FRMD4B: variants seen among roughly 807,000 people sequenced by gnomAD.
The protein encoded by FRMD4B is FERM domain-containing protein 4B.
Under a neutral mutation model 141.5 loss-of-function variants are expected in FRMD4B, and 74 were observed. That is an observed-to-expected ratio of 0.52 (90% CI 0.43 to 0.63). FRMD4B has a LOEUF of 0.63. Among genes scored for constraint, FRMD4B ranks in the 30% least tolerant of loss-of-function variants. The probability of loss-of-function intolerance (pLI) is 0.00; values close to 1 mark genes in which losing one functional copy is unlikely to be tolerated. For missense variants in FRMD4B, 1,366 were observed against 1,253.4 expected (o/e 1.09, Z -1.36); for synonymous variants, 506 against 467.9 (o/e 1.08, Z -1.05).
chr3:69,384,040 T>G (rs1704189357), intron 1 of FRMD4B, among the ~76,000 whole-genome samples: 1 of 152,082 alleles, frequency 6.6e-6, no homozygotes, highest in South Asian at 2.1e-4. Context: ...GCTCAAGGGA[T>G]CTTCCTGCCT....
chr3:69,366,790 G>A lies in FRMD4B; in HGVS notation c.162+19038C>T, dbSNP rs571796834. Among the ~76,000 whole-genome samples the A allele has an allele frequency of 2.0e-5, 3 of 151,680 alleles. No individual in the cohort carries two copies. The East Asian group carries it at 5.8e-4, about 29-fold the overall frequency. On this transcript the variant is annotated intron_variant, in intron 1 of 22. Transcript: ENST00000398540. ...TTCTTGTTGTTTTGTTTTGTTTTTA[G>A]ACAGGGTCTCACTCTGTTGCCCAGG...
At position 69,368,522 on chromosome 3, in the gene FRMD4B, G is replaced by A. The variant is rs143175620; in HGVS notation, c.162+17306C>T. 2.3e-3 allele frequency among the ~76,000 whole-genome samples: 350 copies of A among 152,252 alleles called. 3 individuals are homozygous for A. Among genetic ancestry groups the A allele is most frequent in the Middle Eastern group, 6.8e-3 (2 of 294 alleles). On this transcript the variant is annotated intron_variant, in intron 1 of 22. Coordinates refer to ENST00000398540, the MANE Select transcript of FRMD4B (RefSeq NM_015123.3). ...CAAGCCTGTGCCTACCCCCCTTGTC[G>A]TTCTTGGACAGGTGCTTTGCATACT...
chr3:69,187,207 C>T (rs1190393631), intron 19 of FRMD4B, among the ~76,000 whole-genome samples: 1 of 152,064 alleles, frequency 6.6e-6, no homozygotes. Context: ...ATCAAATAGA[C>T]TTTAAAGTCA....
Position 69,200,481 on chromosome 3 carries a change from C to A in FRMD4B, c.877-1707G>T, listed in dbSNP as rs114313663. On this transcript the variant is annotated intron_variant, in intron 11 of 22. Coordinates refer to ENST00000398540, the MANE Select transcript of FRMD4B (RefSeq NM_015123.3). ...ACCTCAGGGTTCTTCCGCCCTCCCC[C>A]CTCCCAGACGGCAGCTCCGGTGAGT... The A allele has an allele frequency of 1.2e-4, 114 of 991,242 alleles. No individual in the cohort carries two copies. The East Asian group carries it at 8.6e-3, about 74-fold the overall frequency. 61.4% of individuals were successfully genotyped at this position (991,242 alleles called of 1,614,324 possible). A position where few individuals can be genotyped will look rare whatever the true frequency, so the allele number is the denominator to read the frequency against.
rs753475155 is a variant in FRMD4B, at chr3:69,220,953, T to C, written c.731+905A>G. On this transcript the variant is annotated intron_variant, in intron 9 of 22. Transcript: ENST00000398540. Reference sequence around the variant, plus strand: ...ACGGGCATAGAAATAATTTTAAAAGTTTAGTGTAGCAACTTTTTTTTTTTT... The same window carrying C: ...ACGGGCATAGAAATAATTTTAAAAGCTTAGTGTAGCAACTTTTTTTTTTTT... 4.6e-5 allele frequency among the ~76,000 whole-genome samples: 7 copies of C among 151,514 alleles called. 1 individual carries two copies. Among genetic ancestry groups the C allele is most frequent in the Middle Eastern group, 6.8e-3 (2 of 294 alleles).
At chr3:69,451,690 G>T (rs939722486) in intron 1 of FRMD4B, among the ~76,000 whole-genome samples, 7 of 152,074 alleles carry the variant, frequency 4.6e-5, no homozygotes, top group Non-Finnish European at 1.5e-5. Context: ...TGGGTAAGAT[G>T]GTTTACTTCT....
chr3:69,542,169 A>C (rs895875681), intron 1 of FRMD4B: 1 of 151,938 alleles, frequency 6.6e-6, no homozygotes, highest in African/African-American at 2.4e-5. Flanking sequence ...TCGCCCTGGC[A>C]GCACGCTTGG....
intron 1 of FRMD4B, among the ~76,000 whole-genome samples, chr3:69,535,422 C>T (rs1030610305): frequency 6.7e-6 from 1 of 150,120 alleles, no homozygotes; most frequent in Admixed American, 6.7e-5. Flanking sequence ...CAGAGCAATT[C>T]CCAGCACAGG....
intron 4 of FRMD4B, among the ~76,000 whole-genome samples, chr3:69,290,192 T>C (rs990835195): frequency 3.9e-5 from 6 of 152,106 alleles, no homozygotes; most frequent in Non-Finnish European, 7.4e-5. Context: ...TGAGGTGGCC[T>C]GGAAAGGAGC....
At chr3:69,388,527 T>A (rs149551896), upstream of FRMD4B, among the ~76,000 whole-genome samples, 4 of 152,196 alleles carry the variant, frequency 2.6e-5, no homozygotes, top group African/African-American at 9.6e-5. Flanking sequence ...ACTACAATAG[T>A]GATAGTATGG....
chr3:69,473,543 G>T (rs1705931089), intron 1 of FRMD4B, among the ~76,000 whole-genome samples: 1 of 151,990 alleles, frequency 6.6e-6, no homozygotes, highest in Non-Finnish European at 1.5e-5. Flanking sequence ...TCTTGCATTT[G>T]ACCCTAATTT....
intron 4 of FRMD4B, among the ~76,000 whole-genome samples, chr3:69,291,646 T>C (rs1332451550): frequency 6.6e-6 from 1 of 152,176 alleles, no homozygotes; most frequent in Admixed American, 6.5e-5. Flanking sequence ...GAGAATAAAC[T>C]TGATTAGAAT....
At chr3:69,343,527 ATAT>A in intron 1 of FRMD4B, among the ~76,000 whole-genome samples, 1 of 151,042 alleles carries the variant, frequency 6.6e-6, no homozygotes, top group African/African-American at 2.4e-5. Context: ...CCTAAAAATC[ATAT>A]TAATTAAACT....
At chr3:69,276,943 C>T (rs898391757) in intron 5 of FRMD4B, among the ~76,000 whole-genome samples, 5 of 152,082 alleles carry the variant, frequency 3.3e-5, no homozygotes, top group East Asian at 3.9e-4. Context: ...CCAGCCTGGG[C>T]GACAGAACAA....
intron 1 of FRMD4B, among the ~76,000 whole-genome samples, chr3:69,348,211 G>A (rs1370927639): frequency 1.3e-5 from 2 of 152,072 alleles, no homozygotes; most frequent in East Asian, 3.8e-4. Flanking sequence ...ACACTTCTAC[G>A]CAAATAAACT....
intron 1 of FRMD4B, among the ~76,000 whole-genome samples, chr3:69,322,622 G>T (rs1255546241): frequency 7.0e-6 from 1 of 143,836 alleles, no homozygotes. Flanking sequence ...TTTGAGACAG[G>T]GTCTTGCTCT....
chr3:69,507,328 A>G (rs143982704), intron 1 of FRMD4B, among the ~76,000 whole-genome samples: 281 of 152,202 alleles, frequency 1.8e-3, no homozygotes, highest in African/African-American at 6.6e-3. Flanking sequence ...TCAAGTTCTA[A>G]GATATTTTAG....
chr3:69,273,409 C>A (rs1342643341), intron 5 of FRMD4B, among the ~76,000 whole-genome samples: 1 of 152,192 alleles, frequency 6.6e-6, no homozygotes, highest in Non-Finnish European at 1.5e-5. Flanking sequence ...TATGCTGAGA[C>A]TCCTGTGCTT....
At chr3:69,439,326 C>T (rs1044409361) in intron 1 of FRMD4B, among the ~76,000 whole-genome samples, 1 of 152,156 alleles carries the variant, frequency 6.6e-6, no homozygotes, top group African/African-American at 2.4e-5. Context: ...GATTCTCCTT[C>T]TGTACAGAGG....
Sources: gnomAD v4.1 joint callset for allele counts (sites outside exome capture counted in the v4.1 genomes callset) on GRCh38, gnomAD v4.1.1 for gene constraint, MANE v1.5 for transcripts, NCBI Gene and HGNC (gene_info 2026-07-23, HGNC 2026-07-21) for gene names.